PTPRQ: variants seen among roughly 807,000 people sequenced by gnomAD.
PTPRQ encodes phosphatidylinositol phosphatase PTPRQ.
Under a neutral mutation model 246.0 loss-of-function variants are expected in PTPRQ, and 199 were observed. The observed-to-expected ratio is 0.81, with a 90% CI of 0.72 to 0.91. The LOEUF is 0.91. PTPRQ is among the 40% of genes least tolerant of loss of function. The pLI is 0.00. For synonymous variants in PTPRQ, 869 were observed against 853.2 expected (o/e 1.02, Z -0.32); for missense variants, 2,624 against 2,528.4 (o/e 1.04, Z -0.81).
At chr12:80,610,829 T>A (rs1898522933) in intron 28 of PTPRQ, among the ~76,000 whole-genome samples, 1 of 150,432 alleles carries the variant, frequency 6.6e-6, no homozygotes, top group Admixed American at 6.7e-5. Context: ...TGTAGAATAT[T>A]CAATCCTTGT....
chr12:80,662,001 C>T (rs1900648944), intron 39 of PTPRQ, among the ~76,000 whole-genome samples: 1 of 151,868 alleles, frequency 6.6e-6, no homozygotes, highest in African/African-American at 2.4e-5. Flanking sequence ...AAGTCAAAAC[C>T]AGTGTTCTAG....
chr12:80,576,668 T>C (rs1365500131), intron 25 of PTPRQ, among the ~76,000 whole-genome samples: 2 of 152,096 alleles, frequency 1.3e-5, no homozygotes, highest in Admixed American at 6.6e-5. Context: ...TTTTTCCTAT[T>C]CTACTTCACT....
intron 7 of PTPRQ, among the ~76,000 whole-genome samples, chr12:80,469,675 T>C (rs957136817): frequency 6.6e-6 from 1 of 152,200 alleles, no homozygotes. Context: ...TTATCTTTCA[T>C]CCCTAAGTAA....
Position 80,495,110 on chromosome 12 carries a change from C to T in PTPRQ, c.1702+16C>T. ...CGTCAGCAAGGTAAGGATGTATTTC[C>T]TTTGAAACAATTAACTGCAAATATT... On this transcript the variant is annotated intron_variant, in intron 11 of 44. Transcript: ENST00000644991. 1.3e-6 allele frequency: 2 copies of T among 1,550,200 alleles called. No homozygotes were observed.
intron 12 of PTPRQ, 35 bp from the exon 13 acceptor site, chr12:80,495,964 A>G: frequency 2.6e-6 from 4 of 1,535,250 alleles, no homozygotes; most frequent in Non-Finnish European, 3.5e-6. Flanking sequence ...GTATTATTTT[A>G]AGGACATTAA....
intron 3 of PTPRQ, among the ~76,000 whole-genome samples, chr12:80,449,783 A>C (rs1181837243): frequency 3.9e-5 from 6 of 152,012 alleles, no homozygotes; most frequent in African/African-American, 1.4e-4. Context: ...CTGTAGCCTT[A>C]TAGTATAGTT....
At chr12:80,528,890 T>C (rs879365136) in intron 17 of PTPRQ, among the ~76,000 whole-genome samples, 1 of 152,150 alleles carries the variant, frequency 6.6e-6, no homozygotes, top group Non-Finnish European at 1.5e-5. Context: ...GCTTTGTCCT[T>C]TAATCTTTTA....
At chr12:80,667,060 C>T (rs1299227803) in intron 39 of PTPRQ, among the ~76,000 whole-genome samples, 2 of 151,938 alleles carry the variant, frequency 1.3e-5, no homozygotes, top group East Asian at 3.9e-4. Context: ...AAAGCAAAGT[C>T]TTATAATTAC....
chr12:80,660,667 C>T (rs967501537), intron 39 of PTPRQ, among the ~76,000 whole-genome samples: 1 of 151,938 alleles, frequency 6.6e-6, no homozygotes, highest in Non-Finnish European at 1.5e-5. Flanking sequence ...GCTTTTAACA[C>T]AACTAGAGAT....
At chr12:80,659,615 T>C (rs1384316754) in intron 39 of PTPRQ, among the ~76,000 whole-genome samples, 1 of 152,010 alleles carries the variant, frequency 6.6e-6, no homozygotes, top group Non-Finnish European at 1.5e-5. Flanking sequence ...ACACAGATTA[T>C]GTAAGCAAAG....
chr12:80,539,683 A>G, intron 19 of PTPRQ, 93 bp from the exon 20 acceptor site: 1 of 1,028,920 alleles, frequency 9.7e-7, no homozygotes, highest in Non-Finnish European at 1.3e-6. Context: ...ATAATGATAA[A>G]TAGTAAAATC....
intron 8 of PTPRQ, among the ~76,000 whole-genome samples, chr12:80,479,687 C>A (rs1419138089): frequency 1.4e-5 from 2 of 141,660 alleles, no homozygotes; most frequent in Non-Finnish European, 3.1e-5. Flanking sequence ...GGAAGATCTA[C>A]CAAGCAAATG....
chr12:80,572,306 T>A (rs1897167327), intron 25 of PTPRQ, among the ~76,000 whole-genome samples: 1 of 152,122 alleles, frequency 6.6e-6, no homozygotes, highest in Non-Finnish European at 1.5e-5. Context: ...TTGATTTTAG[T>A]CATTAGTTTG....
intron 26 of PTPRQ, among the ~76,000 whole-genome samples, chr12:80,595,316 C>T (rs912739038): frequency 6.6e-6 from 1 of 152,192 alleles, no homozygotes; most frequent in Non-Finnish European, 1.5e-5. Flanking sequence ...TTTCTGTCCC[C>T]TGTGCCTACT....
At chr12:80,614,330 T>G (rs1481266883) in intron 29 of PTPRQ, among the ~76,000 whole-genome samples, 1 of 150,718 alleles carries the variant, frequency 6.6e-6, no homozygotes, top group Non-Finnish European at 1.5e-5. Flanking sequence ...TATGCATGAG[T>G]TCATATACAT....
At chr12:80,590,687 A>C (rs1034786948) in intron 26 of PTPRQ, among the ~76,000 whole-genome samples, 20 of 151,300 alleles carry the variant, frequency 1.3e-4, no homozygotes, top group African/African-American at 2.4e-4. Flanking sequence ...AAAAAAAAAA[A>C]AAAACTATCC....
chr12:80,484,852 A>G (rs1894221120), intron 9 of PTPRQ, among the ~76,000 whole-genome samples: 1 of 152,148 alleles, frequency 6.6e-6, no homozygotes, highest in Non-Finnish European at 1.5e-5. Context: ...AAACAGGACT[A>G]AAGGTATTTT....
At position 80,590,553 on chromosome 12, in the gene PTPRQ, A is replaced by C. The variant is rs565880421; in HGVS notation, c.4609+2101A>C. 3.3e-5 allele frequency among the ~76,000 whole-genome samples: 5 copies of C among 151,478 alleles called. No homozygotes were observed. The East Asian group carries it at 7.8e-4, about 24-fold the overall frequency. On this transcript the variant is annotated intron_variant, in intron 26 of 44. Transcript: ENST00000644991. ...CATGGTGGCAGGTGCCTGTAGTCCC[A>C]GCTACTCGGGAGGCTGAGGCAGGAG...
intron 6 of PTPRQ, among the ~76,000 whole-genome samples, chr12:80,467,573 CATT>C (rs1893471513): frequency 6.6e-6 from 1 of 152,152 alleles, no homozygotes; most frequent in South Asian, 2.1e-4. Context: ...TTTATTGCGG[CATT>C]ATTCACAATA....
Sources: allele counts gnomAD v4.1 joint callset (sites outside exome capture counted in the v4.1 genomes callset), GRCh38; gene constraint gnomAD v4.1.1; transcripts MANE v1.5; gene names NCBI Gene and HGNC (gene_info 2026-07-23, HGNC 2026-07-21).